The following TRIM32 variants were observed in gnomAD, a reference collection of about 807,000 sequenced individuals.
The protein encoded by TRIM32 is tripartite motif containing 32.
In TRIM32, 19 loss-of-function variants were observed where a neutral mutation model predicts 36.0. That is an observed-to-expected ratio of 0.53 (90% confidence interval 0.37 to 0.77). The LOEUF (loss-of-function observed/expected upper bound fraction) is 0.77. Ranked by LOEUF, TRIM32 falls within the 30% of genes least tolerant of loss-of-function variation. The pLI, the probability that TRIM32 is intolerant of heterozygous loss-of-function variation, is 0.00. For missense variants in TRIM32, 747 were observed against 845.2 expected, an observed-to-expected ratio of 0.88 and a Z score of 1.44; for synonymous variants, 309 against 318.5, an observed-to-expected ratio of 0.97 and a Z score of 0.32.
At position 116,699,888 on chromosome 9, in the gene TRIM32, C is replaced by A; in HGVS notation, c.*184C>A. On this transcript the variant is annotated 3_prime_UTR_variant, in exon 2 of 2. Transcript: ENST00000450136. The surrounding 1 kb of genome is among the most constrained non-coding windows in gnomAD (Gnocchi z 4.2). Reference sequence around the variant, plus strand: ...GTTATGTCCCCCTCCCCGCTTCCCACCTAAATTTAGAGCTTTAAAAGATGC... The same window carrying A: ...GTTATGTCCCCCTCCCCGCTTCCCAACTAAATTTAGAGCTTTAAAAGATGC... 1.2e-6 allele frequency: 1 copy of A among 805,334 alleles called. No individual in the cohort carries two copies. The highest frequency in any genetic ancestry group is 2.0e-6 in the Non-Finnish European group (1 of 507,686). 49.9% of individuals were successfully genotyped at this position (805,334 alleles called of 1,614,324 possible). A position where few individuals can be genotyped will look rare whatever the true frequency, so the allele number is the denominator to read the frequency against.
chr9:116,690,448 T>A (rs1057180424), intron 1 of TRIM32, among the ~76,000 whole-genome samples: 2 of 152,224 alleles, frequency 1.3e-5, no homozygotes, highest in African/African-American at 4.8e-5. Flanking sequence ...TCAGAGCCCC[T>A]ATGTTTATGT....
Position 116,698,812 on chromosome 9 carries a change from T to G in TRIM32, c.1070T>G (p.Phe357Cys). 1 of 1,614,202 alleles carries G rather than the reference T, an allele frequency of 6.2e-7. No individual in the cohort carries two copies. The highest frequency in any genetic ancestry group is 8.5e-7 in the Non-Finnish European group (1 of 1,180,042). Reference sequence around the variant, plus strand: ...GCCTCCAATATCCAGCAGTGCCTCTTTCTCAAGAAGATGGGGGCCAAAGGC... The same window carrying G: ...GCCTCCAATATCCAGCAGTGCCTCTGTCTCAAGAAGATGGGGGCCAAAGGC... ...EAASNIQQCL[F>C]LKKMGAKGST... The change falls in exon 2 of 2, where the codon TTT becomes TGT. Residue 357 changes from phenylalanine to cysteine, a missense_variant. By Grantham distance (205) the Phe-to-Cys change is radical. Coordinates refer to ENST00000450136, the MANE Select transcript of TRIM32 (RefSeq NM_012210.4). The surrounding 1 kb of genome is among the most constrained non-coding windows in gnomAD (Gnocchi z 4.4).
chr9:116,692,984 T>C (rs1026406355), intron 1 of TRIM32, among the ~76,000 whole-genome samples: 1 of 152,202 alleles, frequency 6.6e-6, no homozygotes, highest in African/African-American at 2.4e-5. Context: ...ATGTCTGGCA[T>C]TCTCAATCAA....
intron 1 of TRIM32, among the ~76,000 whole-genome samples, chr9:116,689,404 A>G (rs1219636839): frequency 6.6e-6 from 1 of 152,212 alleles, no homozygotes; most frequent in East Asian, 1.9e-4. Context: ...GTAAGTTCTC[A>G]AAATCTAGTA....
chr9:116,698,024 T>C lies in TRIM32; in HGVS notation c.282T>C (p.Ala94=), dbSNP rs1860961572. Residue 94 remains alanine (A), a synonymous_variant, in exon 2 of 2, where the codon GCT becomes GCC. Coordinates refer to ENST00000450136, the MANE Select transcript of TRIM32 (RefSeq NM_012210.4). The surrounding 1 kb of genome is among the most constrained non-coding windows in gnomAD (Gnocchi z 4.4). ...KIIDTAGLSE[A]VGLLMCRSCG... ...TTGATACAGCTGGGCTCAGCGAGGC[T>C]GTGGGGCTGCTCATGTGTCGGTCCT... is the stretch of plus-strand genomic sequence containing the variant. 2 of 1,614,086 alleles carry C rather than the reference T, an allele frequency of 1.2e-6. No individual in the cohort carries two copies. Among genetic ancestry groups the C allele is most frequent in the South Asian group, 1.1e-5 (1 of 91,082 alleles).
intron 1 of TRIM32, among the ~76,000 whole-genome samples, chr9:116,690,122 A>G (rs1860492228): frequency 6.6e-6 from 1 of 152,212 alleles, no homozygotes; most frequent in Admixed American, 6.5e-5. Flanking sequence ...TGGGAATTAA[A>G]TCAGCCCTGT....
chr9:116,690,483 G>A (rs1200405336), intron 1 of TRIM32, among the ~76,000 whole-genome samples: 2 of 152,196 alleles, frequency 1.3e-5, no homozygotes, highest in East Asian at 3.9e-4. Flanking sequence ...GAAGCCAGAA[G>A]TTTATAAGGC....
In TRIM32 at chr9:116,697,738, G is replaced by A. The variant is rs774975492; in HGVS notation, c.-5G>A. On this transcript the variant is annotated 5_prime_UTR_variant, in exon 2 of 2. Coordinates refer to ENST00000450136, the MANE Select transcript of TRIM32 (RefSeq NM_012210.4). ...GTGCTAGCAATACCCTTCAAAGGAA[G>A]AGCAATGGCTGCAGCAGCAGCTTCT... 2.1e-5 allele frequency: 34 copies of A among 1,613,732 alleles called. No individual in the cohort carries two copies. In the East Asian group the frequency reaches 6.7e-4, roughly 32 times the overall value.
At chr9:116,688,581 G>A (rs939800416) in intron 1 of TRIM32, among the ~76,000 whole-genome samples, 1 of 152,254 alleles carries the variant, frequency 6.6e-6, no homozygotes, top group East Asian at 1.9e-4. Flanking sequence ...ATTAAACAAA[G>A]ATCCGTTATC....
intron 1 of TRIM32, among the ~76,000 whole-genome samples, chr9:116,692,930 C>T (rs1225630044): frequency 3.3e-5 from 5 of 152,066 alleles, no homozygotes; most frequent in Admixed American, 2.6e-4. Context: ...ATTTTCTGGG[C>T]AAGACAAGTT....
Position 116,699,867 on chromosome 9 carries a change from T to C in TRIM32, c.*163T>C. ...CATCTTTTAATGTTTTTATTTGTTA[T>C]GTCCCCCTCCCCGCTTCCCACCTAA... is the stretch of plus-strand genomic sequence containing the variant. On this transcript the variant is annotated 3_prime_UTR_variant, in exon 2 of 2. Coordinates refer to ENST00000450136, the MANE Select transcript of TRIM32 (RefSeq NM_012210.4). This position sits in a 1 kb window ranked among gnomAD's most constrained non-coding sequence, Gnocchi z 4.2. 1.1e-6 allele frequency: 1 copy of C among 940,906 alleles called. No homozygotes were observed. Among genetic ancestry groups the C allele is most frequent in the Non-Finnish European group, 1.6e-6 (1 of 623,106 alleles). 58.3% of individuals were successfully genotyped at this position (940,906 alleles called of 1,614,324 possible).
intron 1 of TRIM32, among the ~76,000 whole-genome samples, chr9:116,689,949 A>G (rs1588204099): frequency 6.6e-6 from 1 of 152,116 alleles, no homozygotes; most frequent in South Asian, 2.1e-4. Flanking sequence ...ACTGTTCTGT[A>G]TGGTCTCTTT....
chr9:116,694,202 T>C (rs1452414877), intron 1 of TRIM32, among the ~76,000 whole-genome samples: 1 of 152,136 alleles, frequency 6.6e-6, no homozygotes, highest in Admixed American at 6.5e-5. Context: ...AGCTTTTCAA[T>C]TGAAGGAGGG....
chr9:116,695,859 T>C (rs1860821576), intron 1 of TRIM32, among the ~76,000 whole-genome samples: 2 of 152,192 alleles, frequency 1.3e-5, no homozygotes, highest in African/African-American at 2.4e-5. Context: ...CAGAGGGTAC[T>C]CTAAGCCAGA....
chr9:116,696,950 T>TAA lies in TRIM32; in HGVS notation c.-81-697_-81-696dup, dbSNP rs11400163. On this transcript the variant is annotated intron_variant, in intron 1 of 1. Coordinates refer to ENST00000450136, the MANE Select transcript of TRIM32 (RefSeq NM_012210.4). ...GACACAATAAACTCTGTGACATGAT[T>TAA]AAAAAAAAAAAAAAAAGCCTCCACA... is the stretch of plus-strand genomic sequence containing the variant. Among the ~76,000 whole-genome samples the TAA allele has an allele frequency of 2.0e-3, 278 of 137,106 alleles. 2 individuals carry two copies. The highest frequency in any genetic ancestry group is 3.6e-3 in the Middle Eastern group (1 of 274). 89.9% of individuals were successfully genotyped at this position (137,106 alleles called of 152,430 possible). A position where few individuals can be genotyped will look rare whatever the true frequency, so the allele number is the denominator to read the frequency against.
chr9:116,694,852 G>C (rs1860762900), intron 1 of TRIM32, among the ~76,000 whole-genome samples: 1 of 152,006 alleles, frequency 6.6e-6, no homozygotes, highest in Non-Finnish European at 1.5e-5. Flanking sequence ...CATAGTTTCA[G>C]ATATCCACAT....
In TRIM32 at chr9:116,687,320, C is replaced by A; in HGVS notation, c.-143C>A. 1.0e-6 allele frequency: 1 copy of A among 972,332 alleles called. No individual in the cohort carries two copies. Among genetic ancestry groups the A allele is most frequent in the Non-Finnish European group, 1.2e-6 (1 of 818,884 alleles). The allele number at this position is 972,332 out of a possible 1,614,324, so 60.2% of individuals were successfully genotyped here. On this transcript the variant is annotated 5_prime_UTR_variant, in exon 1 of 2. Coordinates refer to ENST00000450136, the MANE Select transcript of TRIM32 (RefSeq NM_012210.4). ...GGCAAGGGGTGCTCAACGGCGCGTG[C>A]GCAGAGGGAGGCAGGCGGGTGGGCT...
intron 1 of TRIM32, among the ~76,000 whole-genome samples, chr9:116,695,382 G>A (rs1021521116): frequency 6.6e-6 from 1 of 152,172 alleles, no homozygotes; most frequent in Non-Finnish European, 1.5e-5. Context: ...AAGGAAGTGG[G>A]ATATCAGGGA....
Position 116,698,600 on chromosome 9 carries a change from T to C in TRIM32, c.858T>C (p.Val286=), listed in dbSNP as rs762342489. The change falls in exon 2 of 2, where the codon GTT becomes GTC. Residue 286 remains valine, a synonymous_variant. Coordinates refer to ENST00000450136, the MANE Select transcript of TRIM32 (RefSeq NM_012210.4). The surrounding 1 kb of genome is among the most constrained non-coding windows in gnomAD (Gnocchi z 4.4). The stretch of plus-strand genomic sequence containing the variant: ...TGGAGCTCCTTAAGGTAGGTCATGT[T>C]GGCCCCCTCCAAATTGGACAAGCTG... The part of the protein sequence containing the change: ...QDVELLKVGH[V]GPLQIGQAVK... 7.4e-6 allele frequency: 12 copies of C among 1,613,976 alleles called. No individual in the cohort carries two copies. Among genetic ancestry groups the C allele is most frequent in the East Asian group, 2.2e-5 (1 of 44,890 alleles).
Sources: gnomAD v4.1 joint callset for allele counts (sites outside exome capture counted in the v4.1 genomes callset) on GRCh38, gnomAD v4.1.1 for gene constraint, Gnocchi (gnomAD v3.1) non-coding constraint, MANE v1.5 for transcripts, NCBI Gene and HGNC (gene_info 2026-07-23, HGNC 2026-07-21) for gene names.